CSMD1: variants seen among roughly 807,000 people sequenced by gnomAD.
CSMD1 encodes CUB and Sushi multiple domains 1.
Under a neutral mutation model 417.5 loss-of-function variants are expected in CSMD1, and 213 were observed. The observed-to-expected ratio is 0.51, with a 90% CI of 0.46 to 0.57. The LOEUF is 0.57. Ranked by LOEUF, CSMD1 falls within the 20% of genes least tolerant of loss-of-function variation. The probability of loss-of-function intolerance (pLI) is 0.00; values close to 1 mark genes in which losing one functional copy is unlikely to be tolerated. For missense variants in CSMD1, 6,923 were observed against 4,529.7 expected (o/e 1.53, Z -15.17); for synonymous variants, 2,862 against 1,736.8 (o/e 1.65, Z -16.11).
At chr8:2,954,115 G>A (rs1034960257) in intron 65 of CSMD1, 109 bp downstream of exon 65, 72 of 509,976 alleles carry the variant, frequency 1.4e-4, no homozygotes, top group Non-Finnish European at 2.1e-4. Flanking sequence ...TAACTTGGTC[G>A]TGGACTAACG....
At chr8:4,082,672 G>C (rs563426759) in intron 3 of CSMD1, among the ~76,000 whole-genome samples, 3 of 150,782 alleles carry the variant, frequency 2.0e-5, no homozygotes, top group African/African-American at 7.3e-5. Flanking sequence ...GTGCAGGTTA[G>C]TTACATATGC....
intron 6 of CSMD1, among the ~76,000 whole-genome samples, chr8:3,742,511 T>G (rs1796861790): frequency 6.6e-6 from 1 of 152,200 alleles, no homozygotes; most frequent in African/African-American, 2.4e-5. Flanking sequence ...TGATGGATAG[T>G]TGGCACTGCA....
At chr8:4,672,460 A>T (rs1316245232) in intron 1 of CSMD1, among the ~76,000 whole-genome samples, 2 of 152,198 alleles carry the variant, frequency 1.3e-5, no homozygotes, top group African/African-American at 4.8e-5. Flanking sequence ...TCTCAATGAG[A>T]AAAGAGGGAG....
At chr8:4,048,774 G>A (rs940835223) in intron 3 of CSMD1, among the ~76,000 whole-genome samples, 2 of 152,128 alleles carry the variant, frequency 1.3e-5, no homozygotes, top group African/African-American at 4.8e-5. Context: ...GTATATCTGT[G>A]TTACATGAAT....
intron 4 of CSMD1, among the ~76,000 whole-genome samples, chr8:4,029,472 C>A (rs549769851): frequency 2.0e-5 from 3 of 152,086 alleles, no homozygotes; most frequent in Non-Finnish European, 4.4e-5. Flanking sequence ...CAGAGAAACA[C>A]CCATTTTTAA....
At chr8:3,458,773 C>T (rs1464722193) in intron 12 of CSMD1, among the ~76,000 whole-genome samples, 1 of 151,998 alleles carries the variant, frequency 6.6e-6, no homozygotes, top group Non-Finnish European at 1.5e-5. Context: ...AATGGCTCAC[C>T]AAGATGAAGA....
chr8:4,760,364 G>C (rs889837790), intron 1 of CSMD1, among the ~76,000 whole-genome samples: 1 of 152,092 alleles, frequency 6.6e-6, no homozygotes, highest in African/African-American at 2.4e-5. Context: ...GTGAATCGAG[G>C]ACATGTCTGC....
At chr8:3,296,665 G>C (rs951263597) in intron 25 of CSMD1, among the ~76,000 whole-genome samples, 1 of 152,164 alleles carries the variant, frequency 6.6e-6, no homozygotes, top group Non-Finnish European at 1.5e-5. Flanking sequence ...CCAGGCACTG[G>C]TCAGGTCCTG....
chr8:3,106,313 C>A (rs1359110361), intron 46 of CSMD1, among the ~76,000 whole-genome samples: 2 of 151,946 alleles, frequency 1.3e-5, no homozygotes, highest in African/African-American at 2.4e-5. Context: ...AGGAGGATCA[C>A]CTGAGACCAG....
At chr8:4,574,758 G>A (rs1457425778) in intron 2 of CSMD1, among the ~76,000 whole-genome samples, 1 of 152,132 alleles carries the variant, frequency 6.6e-6, no homozygotes, top group Non-Finnish European at 1.5e-5. Context: ...GTGTACTGAT[G>A]AAGCACAATG....
chr8:3,715,790 G>A (rs991197724), intron 6 of CSMD1, among the ~76,000 whole-genome samples: 8 of 151,982 alleles, frequency 5.3e-5, no homozygotes, highest in South Asian at 2.1e-4. Context: ...TGATCCTCCC[G>A]CCCTGGCCTC....
chr8:3,773,637 C>T (rs1426783231), intron 5 of CSMD1, among the ~76,000 whole-genome samples: 1 of 152,108 alleles, frequency 6.6e-6, no homozygotes, highest in East Asian at 1.9e-4. Context: ...AACTATTTGG[C>T]AGTTTTATTC....
At chr8:3,524,134 C>G (rs1196242504) in intron 10 of CSMD1, among the ~76,000 whole-genome samples, 1 of 151,442 alleles carries the variant, frequency 6.6e-6, no homozygotes, top group East Asian at 2.0e-4. Flanking sequence ...CATACATACA[C>G]ACACACGCAC....
chr8:4,438,993 G>A (rs1294990915), intron 2 of CSMD1, among the ~76,000 whole-genome samples: 1 of 152,012 alleles, frequency 6.6e-6, no homozygotes, highest in Non-Finnish European at 1.5e-5. Context: ...TAGACGTTTG[G>A]GGCAAATTTT....
At chr8:4,557,336 G>T (rs935991199) in intron 2 of CSMD1, among the ~76,000 whole-genome samples, 4 of 151,852 alleles carry the variant, frequency 2.6e-5, no homozygotes, top group African/African-American at 4.8e-5. Flanking sequence ...AGAGGAAAAT[G>T]AAAATCTAGC....
chr8:3,320,788 G>A (rs939423428), intron 23 of CSMD1, among the ~76,000 whole-genome samples: 2 of 152,150 alleles, frequency 1.3e-5, no homozygotes, highest in African/African-American at 2.4e-5. Context: ...TATTCCTGAG[G>A]CATTAATAAC....
intron 50 of CSMD1, among the ~76,000 whole-genome samples, chr8:3,036,016 A>G (rs1004324879): frequency 3.9e-5 from 6 of 152,234 alleles, no homozygotes; most frequent in African/African-American, 1.2e-4. Context: ...TTTTTGTTCT[A>G]AAAACCTTAA....
In CSMD1 at chr8:3,358,810, C is replaced by G. The variant is rs148107786; in HGVS notation, c.3304+342G>C. ...ATTGTCAGAGGTTGTGTTATTATAGCTTGGCTTCTATCTTCCAGTTTTTCT... is the reference window on the plus strand; with the variant it reads ...ATTGTCAGAGGTTGTGTTATTATAGGTTGGCTTCTATCTTCCAGTTTTTCT... On this transcript the variant is annotated intron_variant, in intron 21 of 69. Transcript: ENST00000635120. Among the ~76,000 whole-genome samples, 200 of 152,180 alleles carry G rather than the reference C, an allele frequency of 1.3e-3. 1 individual carries two copies. The highest frequency in any genetic ancestry group is 4.6e-3 in the African/African-American group (193 of 41,520).
chr8:4,213,452 C>T (rs1314287169), intron 3 of CSMD1, among the ~76,000 whole-genome samples: 1 of 152,188 alleles, frequency 6.6e-6, no homozygotes, highest in Non-Finnish European at 1.5e-5. Context: ...AGAACAGGAA[C>T]AGTTGCCCGG....
Sources: gnomAD v4.1 joint callset for allele counts (sites outside exome capture counted in the v4.1 genomes callset) on GRCh38, gnomAD v4.1.1 for gene constraint, MANE v1.5 for transcripts, NCBI Gene and HGNC (gene_info 2026-07-23, HGNC 2026-07-21) for gene names.